The following NET1 variants were observed in gnomAD, a reference collection of about 807,000 sequenced individuals.
The protein encoded by NET1 is neuroepithelial cell-transforming gene 1 protein.
Under a neutral mutation model 61.1 loss-of-function variants are expected in NET1, and 42 were observed. That is an observed-to-expected ratio of 0.69 (90% CI 0.54 to 0.89). The LOEUF is 0.89. Ranked by LOEUF, NET1 falls within the 40% of genes least tolerant of loss-of-function variation. NET1 has a pLI of 0.00. For missense variants in NET1, 654 were observed against 747.3 expected (o/e 0.88, Z 1.46); for synonymous variants, 254 against 281.8 (o/e 0.90, Z 0.99).
chr10:5,414,449 C>T (rs919899765), intron 1 of NET1, among the ~76,000 whole-genome samples: 1 of 152,206 alleles, frequency 6.6e-6, no homozygotes, highest in Non-Finnish European at 1.5e-5. Context: ...TGCACATATA[C>T]ATAAACATTT....
chr10:5,444,194 G>A lies in NET1; in HGVS notation c.256-7636G>A, dbSNP rs1173224167. On this transcript the variant is annotated intron_variant, in intron 3 of 11. Transcript: ENST00000355029. This position sits in a 1 kb window ranked among gnomAD's most constrained non-coding sequence, Gnocchi z 5.3. ...TAAGGCCAACCACATCACACATACT[G>A]CCCAGGACAGACTGGACAATAGAGT... Among the ~76,000 whole-genome samples the A allele has an allele frequency of 3.3e-5, 5 of 152,116 alleles. No homozygotes were observed. The highest frequency in any genetic ancestry group is 2.9e-5 in the Non-Finnish European group (2 of 68,022).
At chr10:5,438,921 C>T (rs1832480994) in intron 3 of NET1, among the ~76,000 whole-genome samples, 1 of 152,214 alleles carries the variant, frequency 6.6e-6, no homozygotes, top group African/African-American at 2.4e-5. Context: ...ATCATGGCTC[C>T]TGTGCTCATG....
Position 5,455,017 on chromosome 10 carries a change from A to G in NET1, c.1096A>G (p.Ile366Val), listed in dbSNP as rs1832774144. 1.2e-6 allele frequency: 2 copies of G among 1,614,178 alleles called. No homozygotes were observed. Among genetic ancestry groups the G allele is most frequent in the Non-Finnish European group, 1.7e-6 (2 of 1,180,026 alleles). The change falls in exon 10 of 12, where the codon ATC (isoleucine) becomes GTC (valine). Residue 366 changes from isoleucine (I) to valine (V), a missense_variant. Physicochemically the swap from Ile to Val is conservative, Grantham distance 29. Transcript: ENST00000355029. This position sits in a 1 kb window ranked among gnomAD's most constrained non-coding sequence, Gnocchi z 6.5. The part of the protein sequence containing the change: ...KKGESECQYY[I>V]DKLEYLDEKQ... ...AGGTGAATCCGAGTGCCAGTATTACATCGACAAGCTGGAGTACCTGGATGA... is the reference window on the plus strand; with the variant it reads ...AGGTGAATCCGAGTGCCAGTATTACGTCGACAAGCTGGAGTACCTGGATGA...
Position 5,446,665 on chromosome 10 carries a change from C to A in NET1, c.256-5165C>A. On this transcript the variant is annotated intron_variant, in intron 3 of 11. Coordinates refer to ENST00000355029, the MANE Select transcript of NET1 (RefSeq NM_001047160.3). The surrounding 1 kb of genome is among the most constrained non-coding windows in gnomAD (Gnocchi z 5.0). ...TGGGCACGTGGCTGCCGAGGGTGGC[C>A]GAGCTCTGGGAAGAAAAGCCCGTGT... The A allele has an allele frequency of 7.5e-7, 1 of 1,332,490 alleles. No individual in the cohort carries two copies. Among genetic ancestry groups the A allele is most frequent in the Non-Finnish European group, 9.7e-7 (1 of 1,033,368 alleles). 82.5% of individuals were successfully genotyped at this position (1,332,490 alleles called of 1,614,324 possible).
chr10:5,452,764 A>C lies in NET1; in HGVS notation c.532-94A>C, dbSNP rs1832729195. The C allele has an allele frequency of 2.5e-6, 3 of 1,189,228 alleles. No homozygotes were observed. In the East Asian group the frequency reaches 7.1e-5, roughly 28 times the overall value. The allele number at this position is 1,189,228 out of a possible 1,614,324, so 73.7% of individuals were successfully genotyped here. On this transcript the variant is annotated intron_variant, in intron 5 of 11. Transcript: ENST00000355029. This position sits in a 1 kb window ranked among gnomAD's most constrained non-coding sequence, Gnocchi z 4.0. ...TTTTCAGACTGAGTTACTTTTTAAA[A>C]TGCCGTTCAAAACATCAAATAATGT...
rs1832183129 is a variant in NET1 at position 5,422,105 on chromosome 10, G to A, written c.129-4550G>A. On this transcript the variant is annotated intron_variant, in intron 1 of 11. Coordinates refer to ENST00000355029, the MANE Select transcript of NET1 (RefSeq NM_001047160.3). The surrounding 1 kb of genome is among the most constrained non-coding windows in gnomAD (Gnocchi z 4.1). ...CGCCTATAATCCCAGCACTTTGGGA[G>A]GCCGAGGCGGGTGGATCACCTGAGG... Among the ~76,000 whole-genome samples the A allele has an allele frequency of 6.6e-6, 1 of 152,198 alleles. No homozygotes were observed. The highest frequency in any genetic ancestry group is 2.4e-5 in the African/African-American group (1 of 41,446).
At position 5,422,069 on chromosome 10, in the gene NET1, G is replaced by A. The variant is rs1469937858; in HGVS notation, c.129-4586G>A. On this transcript the variant is annotated intron_variant, in intron 1 of 11. Transcript: ENST00000355029. The surrounding 1 kb of genome is among the most constrained non-coding windows in gnomAD (Gnocchi z 4.1). ...ATGTAAGTCTTAGTGTAGGCTGGGC[G>A]CGGTGGCTCACGCCTATAATCCCAG... Among the ~76,000 whole-genome samples the A allele has an allele frequency of 6.6e-6, 1 of 152,054 alleles. No individual in the cohort carries two copies. The highest frequency in any genetic ancestry group is 1.5e-5 in the Non-Finnish European group (1 of 68,018).
Position 5,446,522 on chromosome 10 carries a change from C to T in NET1, c.256-5308C>T, listed in dbSNP as rs902489742. The T allele has an allele frequency of 8.2e-6, 9 of 1,101,492 alleles. No individual in the cohort carries two copies. The highest frequency in any genetic ancestry group is 4.3e-5 in the South Asian group (1 of 23,084). 68.2% of individuals were successfully genotyped at this position (1,101,492 alleles called of 1,614,324 possible). The stretch of plus-strand genomic sequence containing the variant: ...CCCAGCTCTCAGTTAACTGAAGTCA[C>T]GTGGTGGTGGACCCCGCCCCCAGGG... On this transcript the variant is annotated intron_variant, in intron 3 of 11. Coordinates refer to ENST00000355029, the MANE Select transcript of NET1 (RefSeq NM_001047160.3). This position sits in a 1 kb window ranked among gnomAD's most constrained non-coding sequence, Gnocchi z 5.0.
At chr10:5,436,428 G>T (rs892243694) in intron 3 of NET1, among the ~76,000 whole-genome samples, 9 of 149,202 alleles carry the variant, frequency 6.0e-5, no homozygotes, top group Admixed American at 5.4e-4. Context: ...AGTAGACAGG[G>T]TTTCACTCTG....
At position 5,454,394 on chromosome 10, in the gene NET1, C is replaced by A. The variant is rs962117665; in HGVS notation, c.898C>A (p.Arg300=). The A allele has an allele frequency of 6.2e-7, 1 of 1,614,120 alleles. No homozygotes were observed. Among genetic ancestry groups the A allele is most frequent in the Non-Finnish European group, 8.5e-7 (1 of 1,180,022 alleles). ...GCGATGTCTCGAGTCTCCCTTCAGT[C>A]GAAAACTAGATCTTTGGAGTTTCCT... ...LQRCLESPFS[R]KLDLWSFLDI... The change falls in exon 9 of 12, where the codon CGA becomes AGA. Residue 300 remains arginine (R), a synonymous_variant. Transcript: ENST00000355029. The surrounding 1 kb of genome is among the most constrained non-coding windows in gnomAD (Gnocchi z 8.1).
rs1314746847 is a variant in NET1 at position 5,457,769 on chromosome 10, G to T, written c.*775G>T. The T allele has an allele frequency of 6.6e-6, 1 of 152,290 alleles. No individual in the cohort carries two copies. Among genetic ancestry groups the T allele is most frequent in the East Asian group, 1.9e-4 (1 of 5,186 alleles). The allele number at this position is 152,290 out of a possible 1,614,324, so 9.4% of individuals were successfully genotyped here. On this transcript the variant is annotated 3_prime_UTR_variant, in exon 12 of 12. Transcript: ENST00000355029. The surrounding 1 kb of genome is among the most constrained non-coding windows in gnomAD (Gnocchi z 5.4). ...TTTTAAATCACATTAATTTTACCAA[G>T]TGAAACCAAGCCATACTGTTTTTGA...
Position 5,437,285 on chromosome 10 carries a change from T to C in NET1, c.255+8056T>C, listed in dbSNP as rs1832452324. 6.6e-6 allele frequency among the ~76,000 whole-genome samples: 1 copy of C among 152,214 alleles called. No individual in the cohort carries two copies. Among genetic ancestry groups the C allele is most frequent in the South Asian group, 2.1e-4 (1 of 4,836 alleles). The stretch of plus-strand genomic sequence containing the variant: ...TGACTACAGATATATGATTATCCTG[T>C]ATATATGCTATAGCTTGCTTTTTTT... On this transcript the variant is annotated intron_variant, in intron 3 of 11. Coordinates refer to ENST00000355029, the MANE Select transcript of NET1 (RefSeq NM_001047160.3). This position sits in a 1 kb window ranked among gnomAD's most constrained non-coding sequence, Gnocchi z 4.3.
rs767764104 is a variant in NET1, at chr10:5,435,526, TAGATAGACAGACAGAC to T, written c.255+6305_255+6320del. On this transcript the variant is annotated intron_variant, in intron 3 of 11. Transcript: ENST00000355029. This position sits in a 1 kb window ranked among gnomAD's most constrained non-coding sequence, Gnocchi z 5.0. The stretch of plus-strand genomic sequence containing the variant: ...ATAGATAGATAGATAGATAGATAGA[TAGATAGACAGACAGAC>T]AGATAGATAGATAGATAGATAAAAT... Among the ~76,000 whole-genome samples the T allele has an allele frequency of 0.27, 5,613 of 20,480 alleles. 178 individuals carry two copies. The highest frequency in any genetic ancestry group is 0.37 in the Non-Finnish European group (3,202 of 8,648). 13.4% of individuals were successfully genotyped at this position (20,480 alleles called of 152,430 possible). A position where few individuals can be genotyped will look rare whatever the true frequency, so the allele number is the denominator to read the frequency against.
chr10:5,431,307 C>T lies in NET1; in HGVS notation c.255+2078C>T, dbSNP rs1348233747. Among the ~76,000 whole-genome samples the T allele has an allele frequency of 6.6e-6, 1 of 152,210 alleles. No individual in the cohort carries two copies. The highest frequency in any genetic ancestry group is 1.9e-4 in the East Asian group (1 of 5,206). ...TTTATAGCCTGAATATTTATGATTG[C>T]ATCCCCATGGTATCATTGACTATGT... On this transcript the variant is annotated intron_variant, in intron 3 of 11. Coordinates refer to ENST00000355029, the MANE Select transcript of NET1 (RefSeq NM_001047160.3). This position sits in a 1 kb window ranked among gnomAD's most constrained non-coding sequence, Gnocchi z 4.9.
Position 5,424,387 on chromosome 10 carries a change from G to A in NET1, c.129-2268G>A, listed in dbSNP as rs1832225646. Among the ~76,000 whole-genome samples the A allele has an allele frequency of 6.6e-6, 1 of 152,150 alleles. No individual in the cohort carries two copies. Among genetic ancestry groups the A allele is most frequent in the Non-Finnish European group, 1.5e-5 (1 of 68,022 alleles). ...GTGTGATCTGTGGACTCATGACAGA[G>A]AGGTCCTGTCTTTCCATAATATTTT... On this transcript the variant is annotated intron_variant, in intron 1 of 11. Transcript: ENST00000355029. This position sits in a 1 kb window ranked among gnomAD's most constrained non-coding sequence, Gnocchi z 6.1.
rs1043561392 is a variant in NET1, at chr10:5,456,506, C to T, written c.1385-82C>T. The T allele has an allele frequency of 3.7e-6, 5 of 1,345,824 alleles. No homozygotes were observed. The highest frequency in any genetic ancestry group is 2.3e-5 in the East Asian group (1 of 42,904). The allele number at this position is 1,345,824 out of a possible 1,614,324, so 83.4% of individuals were successfully genotyped here. ...ATAAATTGCCATAAATTGACAGTCA[C>T]GTTAAGATTGTATGACCACTTTGTC... On this transcript the variant is annotated intron_variant, in intron 11 of 11. Transcript: ENST00000355029. This position sits in a 1 kb window ranked among gnomAD's most constrained non-coding sequence, Gnocchi z 7.0.
At chr10:5,413,639 G>A (rs1310071750) in intron 1 of NET1, among the ~76,000 whole-genome samples, 1 of 152,148 alleles carries the variant, frequency 6.6e-6, no homozygotes, top group South Asian at 2.1e-4. Flanking sequence ...ATAAAATGAG[G>A]ATTAAGTAAA....
Position 5,446,772 on chromosome 10 carries a change from G to A in NET1, c.256-5058G>A. 5.6e-6 allele frequency: 9 copies of A among 1,601,844 alleles called. No individual in the cohort carries two copies. Among genetic ancestry groups the A allele is most frequent in the Non-Finnish European group, 7.7e-6 (9 of 1,172,928 alleles). On this transcript the variant is annotated intron_variant, in intron 3 of 11. Coordinates refer to ENST00000355029, the MANE Select transcript of NET1 (RefSeq NM_001047160.3). The surrounding 1 kb of genome is among the most constrained non-coding windows in gnomAD (Gnocchi z 5.0). The stretch of plus-strand genomic sequence containing the variant: ...GAGGGAGTACTTGGGAAGCATGGTG[G>A]CACATGATGAGACTGGAGGTCTCCT...
At position 5,416,979 on chromosome 10, in the gene NET1, G is replaced by A. The variant is rs1832092334; in HGVS notation, c.128+4159G>A. On this transcript the variant is annotated intron_variant, in intron 1 of 11. Transcript: ENST00000355029. This position sits in a 1 kb window ranked among gnomAD's most constrained non-coding sequence, Gnocchi z 6.1. The stretch of plus-strand genomic sequence containing the variant: ...CCCAGGGTTCTTGCCTTGATGTACT[G>A]GAACAATCAGATGACACGTTGGCTT... Among the ~76,000 whole-genome samples, 1 of 152,168 alleles carries A rather than the reference G, an allele frequency of 6.6e-6. No homozygotes were observed. The highest frequency in any genetic ancestry group is 2.1e-4 in the South Asian group (1 of 4,828).
Sources: gnomAD v4.1 joint callset for allele counts (sites outside exome capture counted in the v4.1 genomes callset) on GRCh38, gnomAD v4.1.1 for gene constraint, Gnocchi (gnomAD v3.1) non-coding constraint, MANE v1.5 for transcripts, NCBI Gene and HGNC (gene_info 2026-07-23, HGNC 2026-07-21) for gene names.